RAVER2: variants seen among roughly 807,000 people sequenced by gnomAD.
RAVER2 encodes ribonucleoprotein PTB-binding 2.
A neutral mutation model predicts 78.1 loss-of-function variants in RAVER2; 46 were observed. That is an observed-to-expected ratio of 0.59 (90% CI 0.46 to 0.75). The LOEUF (loss-of-function observed/expected upper bound fraction) is 0.75. RAVER2 is among the 30% of genes least tolerant of loss of function. The pLI, the probability that RAVER2 is intolerant of heterozygous loss-of-function variation, is 0.00. For missense variants in RAVER2, 793 were observed against 837.5 expected (o/e 0.95, Z 0.66); for synonymous variants, 311 against 313.3 (o/e 0.99, Z 0.08).
intron 2 of RAVER2, among the ~76,000 whole-genome samples, chr1:64,776,516 G>C (rs533994322): frequency 6.6e-6 from 1 of 152,320 alleles, no homozygotes; most frequent in African/African-American, 2.4e-5. Flanking sequence ...AATTGCCCAT[G>C]CTACTTAAAT....
intron 1 of RAVER2, among the ~76,000 whole-genome samples, chr1:64,749,422 G>A (rs931717683): frequency 2.6e-5 from 4 of 152,112 alleles, no homozygotes; most frequent in Non-Finnish European, 5.9e-5. Context: ...TGTTGGCCAG[G>A]CTGCTCTCGA....
chr1:64,774,295 G>A (rs2100829995), intron 2 of RAVER2, among the ~76,000 whole-genome samples: 2 of 152,222 alleles, frequency 1.3e-5, no homozygotes, highest in South Asian at 4.2e-4. Flanking sequence ...TTCTTCTAGG[G>A]TTTTTATGGT....
At chr1:64,791,309 C>T (rs755555569) in intron 5 of RAVER2, among the ~76,000 whole-genome samples, 13 of 152,182 alleles carry the variant, frequency 8.5e-5, no homozygotes, top group Non-Finnish European at 1.6e-4. Context: ...CATGATTGAA[C>T]TCAGTCTCTA....
chr1:64,791,282 G>A (rs1348179383), intron 5 of RAVER2, among the ~76,000 whole-genome samples: 2 of 152,168 alleles, frequency 1.3e-5, no homozygotes, highest in African/African-American at 2.4e-5. Flanking sequence ...CACTATGTCA[G>A]TGTGATTGAT....
At chr1:64,783,697 T>C (rs1253179092) in intron 4 of RAVER2, among the ~76,000 whole-genome samples, 2 of 152,316 alleles carry the variant, frequency 1.3e-5, no homozygotes, top group Non-Finnish European at 2.9e-5. Context: ...AGGTTGTCTA[T>C]TCACTCTGAT....
In RAVER2 at chr1:64,811,175, G is replaced by A. The variant is rs937788229; in HGVS notation, c.1681-1563G>A. On this transcript the variant is annotated intron_variant, in intron 9 of 11. Transcript: ENST00000294428. ...AAAGATGCAGTATTAAATCATAACT[G>A]CATAAAATTAACTGTAGTGTGTACC... 2.6e-5 allele frequency among the ~76,000 whole-genome samples: 4 copies of A among 152,120 alleles called. No individual in the cohort carries two copies. In the East Asian group the frequency reaches 7.7e-4, roughly 29 times the overall value.
intron 10 of RAVER2, among the ~76,000 whole-genome samples, chr1:64,813,902 A>G (rs956801720): frequency 1.3e-5 from 2 of 149,722 alleles, no homozygotes; most frequent in African/African-American, 4.9e-5. Context: ...TTATTTATTT[A>G]TTTTTTTATT....
intron 10 of RAVER2, 64 bp downstream of exon 10, chr1:64,812,913 C>A: frequency 7.9e-7 from 1 of 1,263,032 alleles, no homozygotes. Context: ...ATAAGTTTTA[C>A]TTTAATTTTT....
chr1:64,769,757 A>G (rs1652264790), intron 2 of RAVER2, among the ~76,000 whole-genome samples: 1 of 152,048 alleles, frequency 6.6e-6, no homozygotes, highest in South Asian at 2.1e-4. Context: ...TACCTTCAGC[A>G]TGGGATATGC....
At chr1:64,756,877 T>A (rs765807056) in intron 1 of RAVER2, among the ~76,000 whole-genome samples, 1 of 152,224 alleles carries the variant, frequency 6.6e-6, no homozygotes, top group Non-Finnish European at 1.5e-5. Context: ...AATTTGGGTT[T>A]GTAGGAGGTT....
At chr1:64,753,623 A>G (rs1651767098) in intron 1 of RAVER2, among the ~76,000 whole-genome samples, 1 of 146,358 alleles carries the variant, frequency 6.8e-6, no homozygotes, top group African/African-American at 2.5e-5. Context: ...TCCCAGTTTC[A>G]AGTGATTCTC....
intron 11 of RAVER2, among the ~76,000 whole-genome samples, chr1:64,820,832 G>A (rs781601984): frequency 6.6e-6 from 1 of 152,154 alleles, no homozygotes; most frequent in Non-Finnish European, 1.5e-5. Context: ...TTGATTCTAT[G>A]TCTTTGCTAT....
intron 1 of RAVER2, among the ~76,000 whole-genome samples, chr1:64,760,113 A>AG (rs1651981268): frequency 6.6e-6 from 1 of 152,014 alleles, no homozygotes; most frequent in Non-Finnish European, 1.5e-5. Context: ...TGGAAAAAAA[A>AG]AAAAAAAAGC....
rs573374767 is a variant in RAVER2 at position 64,791,263 on chromosome 1, T to A, written c.1105+1749T>A. On this transcript the variant is annotated intron_variant, in intron 5 of 11. Transcript: ENST00000294428. ...TGAACTTCGATGTCCAGAGTTTTTA[T>A]TGGAGTTTCACTATGTCAGTGTGAT... 2.6e-5 allele frequency among the ~76,000 whole-genome samples: 4 copies of A among 152,274 alleles called. No individual in the cohort carries two copies. The South Asian group carries it at 8.3e-4, about 32-fold the overall frequency.
intron 4 of RAVER2, among the ~76,000 whole-genome samples, chr1:64,785,206 T>C (rs1030621738): frequency 1.3e-5 from 2 of 152,152 alleles, no homozygotes; most frequent in Non-Finnish European, 2.9e-5. Flanking sequence ...TTTGGTAATA[T>C]CAAGTTTTCT....
chr1:64,752,922 C>A (rs1300369086), intron 1 of RAVER2, among the ~76,000 whole-genome samples: 2 of 152,162 alleles, frequency 1.3e-5, no homozygotes, highest in Non-Finnish European at 2.9e-5. Context: ...CAAAGGAGGA[C>A]TGACCTTGGA....
intron 2 of RAVER2, among the ~76,000 whole-genome samples, chr1:64,776,973 G>T (rs1487229353): frequency 6.6e-6 from 1 of 152,094 alleles, no homozygotes; most frequent in Non-Finnish European, 1.5e-5. Context: ...TCAAGATCTT[G>T]TCTTAAGATC....
intron 11 of RAVER2, among the ~76,000 whole-genome samples, chr1:64,825,845 T>C (rs1653993348): frequency 6.6e-6 from 1 of 152,248 alleles, no homozygotes; most frequent in Admixed American, 6.5e-5. Flanking sequence ...AAATTAACTT[T>C]TTAAAATCCA....
chr1:64,753,787 G>T (rs1010615793), intron 1 of RAVER2, among the ~76,000 whole-genome samples: 7 of 152,066 alleles, frequency 4.6e-5, no homozygotes, highest in Non-Finnish European at 4.4e-5. Context: ...CTCCCAAAGT[G>T]CTGGGATTAC....
Sources: gnomAD v4.1 joint callset for allele counts (sites outside exome capture counted in the v4.1 genomes callset) on GRCh38, gnomAD v4.1.1 for gene constraint, MANE v1.5 for transcripts, NCBI Gene and HGNC (gene_info 2026-07-23, HGNC 2026-07-21) for gene names.